The following RPL3 variants were observed in gnomAD, a reference collection of about 807,000 sequenced individuals.
RPL3 encodes the protein large ribosomal subunit protein uL3.
Under a neutral mutation model 46.0 loss-of-function variants are expected in RPL3, and 3 were observed. That is an observed-to-expected ratio of 0.07 (90% CI 0.03 to 0.17). The LOEUF is 0.17. Ranked by LOEUF, RPL3 falls within the 10% of genes least tolerant of loss-of-function variation. RPL3 has a pLI of 1.00. For missense variants in RPL3, 387 were observed against 532.7 expected, an observed-to-expected ratio of 0.73 and a Z score of 2.69; for synonymous variants, 224 against 190.8, an observed-to-expected ratio of 1.17 and a Z score of -1.43.
chr22:39,314,550 C>T (rs530168786), intron 6 of RPL3, 136 bp downstream of exon 6: 409 of 1,079,374 alleles, frequency 3.8e-4, no homozygotes, highest in South Asian at 3.3e-3. Flanking sequence ...CCAGAACTGA[C>T]CATGAGAAGC....
intron 5 of RPL3, 75 bp from the exon 6 acceptor site, chr22:39,314,921 C>A: frequency 1.3e-6 from 2 of 1,561,226 alleles, no homozygotes; most frequent in African/African-American, 1.4e-5. Context: ...TCAGCAATTA[C>A]CAACCATGGC....
At chr22:39,316,462 G>A (rs1847017587) in intron 4 of RPL3, among the ~76,000 whole-genome samples, 1 of 152,180 alleles carries the variant, frequency 6.6e-6, no homozygotes, top group South Asian at 2.1e-4. Flanking sequence ...TCATCAACTA[G>A]GTTTCCAGGA....
intron 3 of RPL3, 70 bp downstream of exon 3, chr22:39,317,391 T>TGCA: frequency 6.5e-7 from 1 of 1,533,466 alleles, no homozygotes; most frequent in Non-Finnish European, 8.9e-7. Context: ...TGAGAAACCA[T>TGCA]GCACACGCTG....
chr22:39,313,135 G>A, intron 9 of RPL3, 56 bp downstream of exon 9: 1 of 1,598,386 alleles, frequency 6.3e-7, no homozygotes, highest in Non-Finnish European at 8.5e-7. Context: ...GGAGCCAAAG[G>A]CAGGCGGCTG....
intron 3 of RPL3, 92 bp downstream of exon 3, chr22:39,317,369 C>T (rs1922766181): frequency 7.0e-7 from 1 of 1,429,426 alleles, no homozygotes; most frequent in Admixed American, 2.2e-5. Flanking sequence ...AGCTCCCTGC[C>T]TGCTACAGAG....
Position 39,319,618 on chromosome 22 carries a change from G to C in RPL3, c.-21C>G. ...ACCATCACGCCATCAAATCCCGCCG[G>C]TAGAGGCCGGTCGGCCTTACGGGTC... On this transcript the variant is annotated 5_prime_UTR_variant, in exon 1 of 10. Transcript: ENST00000216146. 6.5e-7 allele frequency: 1 copy of C among 1,549,920 alleles called. No homozygotes were observed. Among genetic ancestry groups the C allele is most frequent in the Non-Finnish European group, 8.8e-7 (1 of 1,142,592 alleles).
rs1449046962 is a variant in RPL3 at position 39,316,806 on chromosome 22, C to T, written c.401G>A (p.Cys134Tyr). Residue 134 changes from cysteine to tyrosine, a missense_variant, in exon 4 of 10, where the codon TGC becomes TAC. Physicochemically the swap from Cys to Tyr is radical, Grantham distance 194 (BLOSUM62 -2). This residue lies in a region of RPL3 where 196 missense variants were observed against 217.5 expected (regional missense o/e 0.90). Transcript: ENST00000216146. ...GCCATCCTCATCCTGCCATTTCTTG[C>T]AGTACTTGGTAAAGGCCTTCTTCTT... ...KSKKKAFTKY[C>Y]KKWQDEDGKK... 2 of 1,614,088 alleles carry T rather than the reference C, an allele frequency of 1.2e-6. No homozygotes were observed. The highest frequency in any genetic ancestry group is 1.7e-5 in the Admixed American group (1 of 60,018).
In RPL3 at chr22:39,314,824, G is replaced by C; in HGVS notation, c.711C>G (p.Thr237=). Residue 237 remains threonine, a synonymous_variant, in exon 6 of 10, where the codon ACC becomes ACG. Transcript: ENST00000216146. ...GGTGGGTCTTGCGGGGCAGCTTCTT[G>C]GTGTGCCAACGACTGGTGACCCCTG... ...GYKGVTSRWH[T]KKLPRKTHRG... 1.9e-6 allele frequency: 3 copies of C among 1,613,670 alleles called. No homozygotes were observed. The highest frequency in any genetic ancestry group is 2.5e-6 in the Non-Finnish European group (3 of 1,179,918).
Position 39,318,401 on chromosome 22 carries a change from G to A in RPL3, c.195C>T (p.Ser65=), listed in dbSNP as rs1246368710. 6.8e-6 allele frequency: 11 copies of A among 1,613,388 alleles called. No individual in the cohort carries two copies. Among genetic ancestry groups the A allele is most frequent in the Non-Finnish European group, 9.3e-6 (11 of 1,179,788 alleles). Residue 65 remains serine (S), a splice_region_variant and synonymous_variant, in exon 2 of 10, where the codon TCC becomes TCT. Transcript: ENST00000216146. The part of the protein sequence containing the change: ...HIVREVDRPG[S]KVNKKEVVEA... ...AACTTTTAGGATGTCTGTACATACTGGATCCCGGCCTGTCGACTTCCCGCA... is the reference window on the plus strand; with the variant it reads ...AACTTTTAGGATGTCTGTACATACTAGATCCCGGCCTGTCGACTTCCCGCA...
In RPL3 at chr22:39,314,731, G is replaced by A. The variant is rs539325865; in HGVS notation, c.804C>T (p.Arg268=). The A allele has an allele frequency of 5.5e-5, 89 of 1,613,610 alleles. No homozygotes were observed. Among genetic ancestry groups the A allele is most frequent in the African/African-American group, 2.5e-4 (19 of 74,982 alleles). Residue 268 remains arginine (R), a synonymous_variant, in exon 6 of 10, where the codon CGC becomes CGT. Coordinates refer to ENST00000216146, the MANE Select transcript of RPL3 (RefSeq NM_000967.4). ...HPARVAFSVA[R]AGQKGYHHRT... ...GGTGATGGTAGCCTTTCTGCCCAGCGCGTGCCACAGAGAAGGCTACACGAG... is the reference window on the plus strand; with the variant it reads ...GGTGATGGTAGCCTTTCTGCCCAGCACGTGCCACAGAGAAGGCTACACGAG...
chr22:39,313,296 C>G lies in RPL3; in HGVS notation c.1062G>C (p.Gln354His). 1 of 1,613,982 alleles carries G rather than the reference C, an allele frequency of 6.2e-7. No individual in the cohort carries two copies. The highest frequency in any genetic ancestry group is 8.5e-7 in the Non-Finnish European group (1 of 1,179,956). ...VLTLRKSLLVQTKRRALEKID... is the reference protein window; with the variant it reads ...VLTLRKSLLVHTKRRALEKID... The stretch of plus-strand genomic sequence containing the variant: ...TCTTCTCCAGAGCCCGCCGCTTCGT[C>G]TGCACCAGCAAGGACTATGGGCCAA... The change falls in exon 9 of 10, where the codon CAG becomes CAC. Residue 354 changes from glutamine (Q) to histidine (H), a missense_variant. Physicochemically the swap from Gln to His is conservative, Grantham distance 24 (BLOSUM62 0). This residue lies in a region of RPL3 where 131 missense variants were observed against 185.1 expected (regional missense o/e 0.71). Transcript: ENST00000216146.
Position 39,312,971 on chromosome 22 carries a change from T to G in RPL3, c.1181A>C (p.Lys394Thr). ...EKKAFMGPLK[K>T]DRIAKEEGA Reference sequence around the variant, plus strand: ...TCCTTCTTCCTTTGCAATTCGGTCTTTCTTCAGTGGTCCCTGTGGGGAGAG... The same window carrying G: ...TCCTTCTTCCTTTGCAATTCGGTCTGTCTTCAGTGGTCCCTGTGGGGAGAG... Residue 394 changes from lysine (K) to threonine (T), a missense_variant, in exon 10 of 10, where the codon AAA (lysine) becomes ACA (threonine). Transcript: ENST00000216146. 1 of 1,614,156 alleles carries G rather than the reference T, an allele frequency of 6.2e-7. No homozygotes were observed. Among genetic ancestry groups the G allele is most frequent in the Non-Finnish European group, 8.5e-7 (1 of 1,179,988 alleles).
Position 39,314,228 on chromosome 22 carries a change from G to GT in RPL3, c.850-21dup, listed in dbSNP as rs779014794. ...ATAAATCTGAATGAACAAGAAGGGT[G>GT]TAAGGCTGGGGCATTAGGGACAAAT... On this transcript the variant is annotated intron_variant, in intron 6 of 9. Coordinates refer to ENST00000216146, the MANE Select transcript of RPL3 (RefSeq NM_000967.4). The GT allele has an allele frequency of 3.9e-5, 63 of 1,602,646 alleles. No individual in the cohort carries two copies. Among genetic ancestry groups the GT allele is most frequent in the Non-Finnish European group, 5.0e-5 (59 of 1,169,748 alleles).
chr22:39,317,200 TG>T (rs1248446231), intron 3 of RPL3: 1 of 569,464 alleles, frequency 1.8e-6, no homozygotes, highest in Non-Finnish European at 3.1e-6. Context: ...CTACCTCTCC[TG>T]GTTTCTAGTT....
chr22:39,315,267 G>C (rs114334676), intron 5 of RPL3, 102 bp downstream of exon 5: 1 of 1,464,794 alleles, frequency 6.8e-7, no homozygotes, highest in African/African-American at 1.4e-5. Flanking sequence ...CGATTCGGGC[G>C]CTGTACCCAG....
At chr22:39,316,239 C>G (rs1168311105) in intron 4 of RPL3, among the ~76,000 whole-genome samples, 1 of 24,212 alleles carries the variant, frequency 4.1e-5, no homozygotes, top group African/African-American at 2.8e-4. Flanking sequence ...AATTCTGTCT[C>G]TAAAAAAAAA....
intron 4 of RPL3, among the ~76,000 whole-genome samples, chr22:39,316,174 G>C (rs906284607): frequency 2.6e-5 from 4 of 151,856 alleles, no homozygotes; most frequent in Non-Finnish European, 5.9e-5. Flanking sequence ...AGAAAGTGGA[G>C]GTTGCAGTGA....
chr22:39,314,344 C>A, intron 6 of RPL3, 136 bp from the exon 7 acceptor site: 1 of 765,416 alleles, frequency 1.3e-6, no homozygotes, highest in Non-Finnish European at 2.1e-6. Flanking sequence ...AAGGTCAGAG[C>A]AAAAAGCTGG....
intron 4 of RPL3, among the ~76,000 whole-genome samples, chr22:39,316,008 G>C (rs1922665334): frequency 6.6e-6 from 1 of 152,184 alleles, no homozygotes; most frequent in African/African-American, 2.4e-5. Context: ...GGGAGGCCGA[G>C]GCAGGTGGAT....
Sources: allele counts gnomAD v4.1 joint callset (sites outside exome capture counted in the v4.1 genomes callset), GRCh38; gene constraint gnomAD v4.1.1; regional missense constraint gnomAD v4.1.1; transcripts MANE v1.5; gene names NCBI Gene and HGNC (gene_info 2026-07-23, HGNC 2026-07-21).